The following MYO19 variants were observed in gnomAD, a reference collection of about 807,000 sequenced individuals.
MYO19 encodes the protein unconventional myosin-XIX.
A neutral mutation model predicts 129.2 loss-of-function variants in MYO19; 132 were observed. That is an observed-to-expected ratio of 1.02 (90% CI 0.89 to 1.18). MYO19 has a LOEUF of 1.18. MYO19 is among the 50% of genes most tolerant of loss of function. MYO19 has a pLI of 0.00. For synonymous variants in MYO19, 531 were observed against 477.2 expected (o/e 1.11, Z -1.47); for missense variants, 1,210 against 1,216.7 (o/e 0.99, Z 0.08).
intron 5 of MYO19, among the ~76,000 whole-genome samples, chr17:36,525,568 A>T (rs555841852): frequency 1.3e-5 from 2 of 152,196 alleles, no homozygotes; most frequent in Admixed American, 1.3e-4. Flanking sequence ...TGACCAGTTT[A>T]TGACATTAAC....
intron 3 of MYO19, among the ~76,000 whole-genome samples, chr17:36,531,098 TA>T (rs1014300973): frequency 6.6e-6 from 1 of 151,310 alleles, no homozygotes; most frequent in African/African-American, 2.4e-5. Context: ...CAAAAATTAT[TA>T]AAAAAAATTT....
At position 36,527,697 on chromosome 17, in the gene MYO19, G is replaced by C. The variant is rs2073565949; in HGVS notation, c.154C>G (p.Leu52Val). Residue 52 changes from leucine to valine, a missense_variant and splice_region_variant, in exon 5 of 26, where the codon CTG (leucine) becomes GTG (valine). Physicochemically the swap from Leu to Val is conservative, Grantham distance 32. Coordinates refer to ENST00000614623, the MANE Select transcript of MYO19 (RefSeq NM_001163735.2). ...ATGTACCGGGCCTGCAGGCACCTCA[G>C]GACTGAGGCAGAGATGCCTTTAGCA... ...RVNPVTLETV[L>V]RCLQARYMAD... 3.7e-6 allele frequency: 6 copies of C among 1,610,108 alleles called. No homozygotes were observed. The highest frequency in any genetic ancestry group is 5.1e-6 in the Non-Finnish European group (6 of 1,178,368).
chr17:36,514,649 C>T (rs913688153), intron 8 of MYO19, 101 bp from the exon 9 acceptor site: 7 of 759,606 alleles, frequency 9.2e-6, no homozygotes, highest in East Asian at 5.0e-5. Context: ...GGCAACTCCC[C>T]GCCAAGCTCT....
At chr17:36,515,830 G>A (rs777424687) in intron 7 of MYO19, 28 bp downstream of exon 7, 1 of 1,594,054 alleles carries the variant, frequency 6.3e-7, no homozygotes, top group East Asian at 2.3e-5. Context: ...ATGGGACTGA[G>A]ATACTGTGCA....
At chr17:36,523,923 C>G (rs2073303096) in intron 6 of MYO19, among the ~76,000 whole-genome samples, 1 of 152,212 alleles carries the variant, frequency 6.6e-6, no homozygotes, top group African/African-American at 2.4e-5. Context: ...AGCAGGTTTG[C>G]TGTTTTTCTT....
chr17:36,525,181 C>A, intron 6 of MYO19, 47 bp downstream of exon 6: 1 of 1,409,296 alleles, frequency 7.1e-7, no homozygotes, highest in East Asian at 2.3e-5. Context: ...CCTCCCTGTC[C>A]ACCCAGCCAG....
chr17:36,510,759 G>A lies in MYO19; in HGVS notation c.1144C>T (p.Leu382=), dbSNP rs774183057. Residue 382 remains leucine, a synonymous_variant, in exon 13 of 26, where the codon CTG becomes TTG. Coordinates refer to ENST00000614623, the MANE Select transcript of MYO19 (RefSeq NM_001163735.2). ...CDTRRDCLAK[L]IYARLFDWLV... ...GTAACTGCTCACCGCGCATAGATCAGTTTGGCCAGGCAGTCTCTACGGGTG... is the reference window on the plus strand; with the variant it reads ...GTAACTGCTCACCGCGCATAGATCAATTTGGCCAGGCAGTCTCTACGGGTG... 2 of 1,607,556 alleles carry A rather than the reference G, an allele frequency of 1.2e-6. No individual in the cohort carries two copies. The highest frequency in any genetic ancestry group is 1.1e-5 in the South Asian group (1 of 89,676).
intron 6 of MYO19, among the ~76,000 whole-genome samples, chr17:36,518,489 GAAAAAAAAAAAAAAAAAAAAAAAAAA>G (rs1165317347): frequency 2.1e-4 from 5 of 24,068 alleles, no homozygotes; most frequent in South Asian, 2.6e-3. Context: ...GATCTCAGAG[GAAAAAAAAAAAAAAAAAAAAAAAAAA>G]AAAAAAAAAA....
At chr17:36,525,106 C>T (rs2073379643) in intron 6 of MYO19, 122 bp downstream of exon 6, 2 of 725,768 alleles carry the variant, frequency 2.8e-6, no homozygotes, top group African/African-American at 3.5e-5. Context: ...CCAGCTTCAG[C>T]CAGCCTATGT....
chr17:36,518,562 G>A (rs1290775940), intron 6 of MYO19, among the ~76,000 whole-genome samples: 3 of 103,922 alleles, frequency 2.9e-5, no homozygotes, highest in Admixed American at 1.2e-4. Flanking sequence ...ATGTGTATGT[G>A]TATATATATG....
chr17:36,537,184 T>G (rs2074152200), upstream of MYO19: 2 of 1,614,190 alleles, frequency 1.2e-6, no homozygotes, highest in Non-Finnish European at 1.7e-6. Context: ...GGATTGTGCT[T>G]TCCTGCATTC....
intron 3 of MYO19, among the ~76,000 whole-genome samples, chr17:36,528,510 CA>C (rs948278898): frequency 1.8e-3 from 196 of 106,484 alleles, no homozygotes; most frequent in Middle Eastern, 4.7e-3. Context: ...GACTCTGTCT[CA>C]AAAAAAAAAA....
At chr17:36,538,788 C>T (rs2074178368), upstream of MYO19, 1 of 623,672 alleles carries the variant, frequency 1.6e-6, no homozygotes, top group Admixed American at 3.5e-5. Context: ...GAGTCTTGCT[C>T]TGTTACCCAG....
intron 7 of MYO19, 114 bp from the exon 8 acceptor site, chr17:36,515,296 C>T (rs1416777179): frequency 2.3e-6 from 2 of 874,300 alleles, no homozygotes; most frequent in Non-Finnish European, 3.5e-6. Context: ...ACCTAAAGGC[C>T]CCTTTGTTGG....
chr17:36,502,525 C>T (rs891017909), intron 21 of MYO19, among the ~76,000 whole-genome samples: 4 of 152,292 alleles, frequency 2.6e-5, no homozygotes, highest in Non-Finnish European at 4.4e-5. Context: ...TCTATTGGGG[C>T]AACTTTGCAG....
At chr17:36,523,713 C>A (rs899935934) in intron 6 of MYO19, among the ~76,000 whole-genome samples, 6 of 152,002 alleles carry the variant, frequency 3.9e-5, no homozygotes, top group Non-Finnish European at 7.4e-5. Context: ...TAATTATATA[C>A]AGAATATGTA....
At chr17:36,499,021 T>G in intron 24 of MYO19, 54 bp downstream of exon 24, 1 of 1,429,026 alleles carries the variant, frequency 7.0e-7, no homozygotes, top group South Asian at 1.2e-5. Context: ...CTCGGGTCCA[T>G]CTGGTCCCCA....
rs764396427 is a variant in MYO19, at chr17:36,503,195, G to C, written c.1982C>G (p.Ser661Cys). 1.1e-5 allele frequency: 18 copies of C among 1,613,732 alleles called. No individual in the cohort carries two copies. Among genetic ancestry groups the C allele is most frequent in the East Asian group, 4.5e-5 (2 of 44,904 alleles). ...GTATCGTTCTACAAAGTTTCGGTGA[G>C]AGACCCTGGAGGCCAAAGCAGGCAG... ...ISAAGFPIRV[S>C]HRNFVERYKL... The change falls in exon 21 of 26, where the codon TCT (serine) becomes TGT (cysteine). Residue 661 changes from serine to cysteine, a missense_variant. Ser to Cys is a moderately radical substitution (Grantham distance 112). Transcript: ENST00000614623.
chr17:36,518,507 A>T (rs1336700094), intron 6 of MYO19, among the ~76,000 whole-genome samples: 1 of 69,814 alleles, frequency 1.4e-5, no homozygotes, highest in African/African-American at 6.3e-5. Context: ...AAAAAAAAAA[A>T]AAAAAAAAAA....
Sources: gnomAD v4.1 joint callset for allele counts (sites outside exome capture counted in the v4.1 genomes callset) on GRCh38, gnomAD v4.1.1 for gene constraint, MANE v1.5 for transcripts, NCBI Gene and HGNC (gene_info 2026-07-23, HGNC 2026-07-21) for gene names.